Variants in EPHA5 observed in about 807,000 individuals in gnomAD.
EPHA5 encodes EPH receptor A5.
A neutral mutation model predicts 105.0 loss-of-function variants in EPHA5; 60 were observed. The observed-to-expected ratio is 0.57, with a 90% CI of 0.46 to 0.71. The LOEUF (loss-of-function observed/expected upper bound fraction) is 0.71. Ranked by LOEUF, EPHA5 falls within the 30% of genes least tolerant of loss-of-function variation. The pLI is 0.00. For missense variants in EPHA5, 1,218 were observed against 1,274.7 expected, an observed-to-expected ratio of 0.96 and a Z score of 0.68; for synonymous variants, 513 against 449.1, an observed-to-expected ratio of 1.14 and a Z score of -1.80.
chr4:65,652,355 G>A (rs1343150998), intron 1 of EPHA5, among the ~76,000 whole-genome samples: 4 of 152,100 alleles, frequency 2.6e-5, no homozygotes, highest in Non-Finnish European at 5.9e-5. Flanking sequence ...TCAGTCCTCA[G>A]GTCTGTAACA....
At chr4:65,661,063 A>T (rs540881627) in intron 1 of EPHA5, among the ~76,000 whole-genome samples, 1 of 152,044 alleles carries the variant, frequency 6.6e-6, no homozygotes, top group African/African-American at 2.4e-5. Flanking sequence ...GTTTTATTTC[A>T]TTTGTTTTCC....
rs1344200134 is a variant in EPHA5, at chr4:65,361,184, A to G, written c.2173+3833T>C. 7.3e-5 allele frequency among the ~76,000 whole-genome samples: 11 copies of G among 151,634 alleles called. No homozygotes were observed. The Admixed American group carries it at 7.3e-4, about 10-fold the overall frequency. ...TTCCTTTACTCAGCTATTCAACATA[A>G]TTGAAGGCCTACTTTATGCCAGGCA... is the stretch of plus-strand genomic sequence containing the variant. On this transcript the variant is annotated intron_variant, in intron 11 of 16. Coordinates refer to ENST00000613740, the MANE Select transcript of EPHA5 (RefSeq NM_001281766.3).
intron 3 of EPHA5, among the ~76,000 whole-genome samples, chr4:65,595,591 T>TA (rs1743093158): frequency 1.3e-5 from 2 of 148,560 alleles, no homozygotes; most frequent in Non-Finnish European, 3.0e-5. Context: ...ATTTTTTTTT[T>TA]TTTTTTTGAG....
intron 2 of EPHA5, among the ~76,000 whole-genome samples, chr4:65,616,592 TC>T (rs1193315681): frequency 1.3e-5 from 2 of 151,844 alleles, no homozygotes; most frequent in Non-Finnish European, 2.9e-5. Flanking sequence ...ACTTCAAAGC[TC>T]ATATTTCAAC....
chr4:65,662,674 A>G (rs1230442786), intron 1 of EPHA5, among the ~76,000 whole-genome samples: 1 of 152,144 alleles, frequency 6.6e-6, no homozygotes, highest in Admixed American at 6.5e-5. Context: ...TCATAGTAAA[A>G]CAAATGTAAA....
intron 5 of EPHA5, among the ~76,000 whole-genome samples, chr4:65,486,559 C>T (rs2149202734): frequency 1.3e-5 from 2 of 152,260 alleles, no homozygotes; most frequent in South Asian, 2.1e-4. Context: ...AACATATTTC[C>T]TGAAAACAAT....
intron 5 of EPHA5, among the ~76,000 whole-genome samples, chr4:65,446,805 A>C (rs752031698): frequency 6.6e-6 from 1 of 152,098 alleles, no homozygotes; most frequent in Non-Finnish European, 1.5e-5. Context: ...TGCGACACAA[A>C]TGGTGAAGTT....
At chr4:65,569,127 A>T (rs1452179669) in intron 3 of EPHA5, among the ~76,000 whole-genome samples, 1 of 151,554 alleles carries the variant, frequency 6.6e-6, no homozygotes, top group East Asian at 1.9e-4. Flanking sequence ...ATATTAATAG[A>T]TAGTGAGCTA....
intron 8 of EPHA5, among the ~76,000 whole-genome samples, chr4:65,369,178 G>T (rs530027102): frequency 6.6e-6 from 1 of 152,232 alleles, no homozygotes; most frequent in South Asian, 2.1e-4. Flanking sequence ...ATTGATGAAT[G>T]AATAAATGAA....
chr4:65,356,527 AT>A (rs1358343521), intron 11 of EPHA5, among the ~76,000 whole-genome samples: 1 of 151,490 alleles, frequency 6.6e-6, no homozygotes, highest in African/African-American at 2.4e-5. Context: ...ATCCTGTAGG[AT>A]TTTTCAGCTA....
intron 3 of EPHA5, among the ~76,000 whole-genome samples, chr4:65,557,258 A>G (rs192421518): frequency 1.0e-4 from 15 of 145,106 alleles, no homozygotes; most frequent in African/African-American, 3.3e-4. Flanking sequence ...ATATATATAT[A>G]TTCTCACACT....
intron 5 of EPHA5, among the ~76,000 whole-genome samples, chr4:65,465,436 T>TAAAGAAAG (rs71205369): frequency 4.0e-5 from 1 of 25,092 alleles, no homozygotes; most frequent in Admixed American, 6.5e-4. Context: ...CCCACCCCTC[T>TAAAGAAAG]AAAGAAAGAA....
At chr4:65,357,954 T>G (rs1203479736) in intron 11 of EPHA5, among the ~76,000 whole-genome samples, 3 of 151,464 alleles carry the variant, frequency 2.0e-5, no homozygotes. Flanking sequence ...TACAATCCTT[T>G]GCCATAAGAC....
intron 3 of EPHA5, among the ~76,000 whole-genome samples, chr4:65,567,663 A>C (rs1739693535): frequency 6.6e-6 from 1 of 151,612 alleles, no homozygotes. Flanking sequence ...CATATATCTA[A>C]AAGCATATTT....
chr4:65,599,805 A>T (rs1274755532), intron 3 of EPHA5, among the ~76,000 whole-genome samples: 1 of 152,204 alleles, frequency 6.6e-6, no homozygotes, highest in Non-Finnish European at 1.5e-5. Context: ...ATGAGAAGAG[A>T]AAGAAAAGAT....
intron 8 of EPHA5, among the ~76,000 whole-genome samples, chr4:65,377,923 T>A (rs1268019718): frequency 2.0e-5 from 3 of 151,974 alleles, no homozygotes; most frequent in African/African-American, 7.2e-5. Flanking sequence ...TCAACAGAAC[T>A]ATAATGTGAG....
At chr4:65,549,002 G>A (rs4299645) in intron 3 of EPHA5, among the ~76,000 whole-genome samples, 18,786 of 152,140 alleles carry the variant, frequency 0.12, 1,510 homozygotes, top group East Asian at 0.3. Flanking sequence ...CAGCATTCAC[G>A]AATTAAAGCA....
At chr4:65,329,331 G>A (rs539600245) in intron 16 of EPHA5, among the ~76,000 whole-genome samples, 43 of 151,392 alleles carry the variant, frequency 2.8e-4, no homozygotes, top group African/African-American at 9.6e-4. Flanking sequence ...AGACCTCTAA[G>A]TTCTTCATTA....
intron 3 of EPHA5, among the ~76,000 whole-genome samples, chr4:65,580,534 A>G (rs1352989443): frequency 1.3e-5 from 2 of 151,912 alleles, no homozygotes; most frequent in African/African-American, 4.8e-5. Context: ...GTGGTAGAAT[A>G]TTTCACCAAA....
Sources: gnomAD v4.1 joint callset for allele counts (sites outside exome capture counted in the v4.1 genomes callset) on GRCh38, gnomAD v4.1.1 for gene constraint, MANE v1.5 for transcripts, NCBI Gene and HGNC (gene_info 2026-07-23, HGNC 2026-07-21) for gene names.